SGCD: variants seen among roughly 807,000 people sequenced by gnomAD.
The protein encoded by SGCD is delta-sarcoglycan.
A neutral mutation model predicts 36.6 loss-of-function variants in SGCD; 18 were observed. The observed-to-expected ratio is 0.49, with a 90% CI of 0.34 to 0.73. The LOEUF is 0.73. Ranked by LOEUF, SGCD falls within the 30% of genes least tolerant of loss-of-function variation. SGCD has a pLI of 0.01. For synonymous variants in SGCD, 133 were observed against 130.6 expected (o/e 1.02, Z -0.12); for missense variants, 387 against 346.7 (o/e 1.12, Z -0.92).
At chr5:155,734,026 A>G in the SGCD span, among the ~76,000 whole-genome samples, 1 of 150,444 alleles carries the variant, frequency 6.6e-6, no homozygotes, top group Non-Finnish European at 1.5e-5. Context: ...CAATTTGGCC[A>G]GTTCACACAG....
intron 1 of SGCD, among the ~76,000 whole-genome samples, chr5:155,917,373 A>G (rs555750501): frequency 1.6e-4 from 25 of 152,288 alleles, no homozygotes; most frequent in African/African-American, 5.5e-4. Flanking sequence ...TGAGGACTGA[A>G]TGGATAGTTG....
chr5:156,213,880 C>T lies in SGCD; in HGVS notation c.-44+89861C>T, dbSNP rs546250314. ...AAGGACAAAATCACTATGATCATCT[C>T]GATAGATTTGACATAATTGAACATC... is the stretch of plus-strand genomic sequence containing the variant. On this transcript the variant is annotated intron_variant, in intron 3 of 9. Coordinates refer to the SGCD transcript ENST00000517913. Among the ~76,000 whole-genome samples, 5 of 151,950 alleles carry T rather than the reference C, an allele frequency of 3.3e-5. No homozygotes were observed. In the South Asian group the frequency reaches 1.0e-3, roughly 32 times the overall value.
At chr5:155,741,318 C>T in the SGCD span, among the ~76,000 whole-genome samples, 35 of 152,284 alleles carry the variant, frequency 2.3e-4, no homozygotes, top group Middle Eastern at 0.014. Context: ...TTAAATCTCT[C>T]CTGGATCAGG....
chr5:156,282,590 A>T (rs572736815), intron 3 of SGCD, among the ~76,000 whole-genome samples: 1 of 152,336 alleles, frequency 6.6e-6, no homozygotes, highest in East Asian at 1.9e-4. Flanking sequence ...GAATAAAGAA[A>T]CATGGCTCAA....
chr5:156,109,196 C>G (rs1018592963), intron 1 of SGCD, among the ~76,000 whole-genome samples: 1 of 152,140 alleles, frequency 6.6e-6, no homozygotes, highest in African/African-American at 2.4e-5. Context: ...TTCAGAGTTA[C>G]CCTGTAGTTG....
chr5:156,522,499 G>A (rs998730245), intron 4 of SGCD, among the ~76,000 whole-genome samples: 1 of 151,846 alleles, frequency 6.6e-6, no homozygotes, highest in Non-Finnish European at 1.5e-5. Context: ...ACCAAACGTC[G>A]CATGTTCTTA....
intron 1 of SGCD, among the ~76,000 whole-genome samples, chr5:156,094,274 TGC>T (rs1561717699): frequency 5.3e-4 from 81 of 152,296 alleles, no homozygotes; most frequent in African/African-American, 1.9e-3. Context: ...GAGCTGCAGC[TGC>T]AGGAACAGTC....
At chr5:156,366,779 C>T (rs1368813546) in intron 3 of SGCD, among the ~76,000 whole-genome samples, 2 of 152,124 alleles carry the variant, frequency 1.3e-5, no homozygotes, top group East Asian at 3.8e-4. Flanking sequence ...CAGATAAATC[C>T]TGGCAAAGCA....
At chr5:156,315,882 A>AT (rs1767505106) in intron 3 of SGCD, among the ~76,000 whole-genome samples, 1 of 151,966 alleles carries the variant, frequency 6.6e-6, no homozygotes, top group African/African-American at 2.4e-5. Flanking sequence ...ATCTTTGCCC[A>AT]TTTTTATTCA....
At chr5:156,141,079 G>T (rs575571389) in intron 3 of SGCD, among the ~76,000 whole-genome samples, 4 of 152,236 alleles carry the variant, frequency 2.6e-5, no homozygotes, top group South Asian at 2.1e-4. Context: ...ACTCCAGAAG[G>T]TATAAACCAA....
chr5:156,682,924 C>T (rs146089239), intron 7 of SGCD, among the ~76,000 whole-genome samples: 45 of 152,322 alleles, frequency 3.0e-4, no homozygotes, highest in Middle Eastern at 6.8e-3. Context: ...TTCCCATTCC[C>T]GTGCATCCTC....
chr5:155,962,896 T>C (rs1757820831), intron 1 of SGCD, among the ~76,000 whole-genome samples: 1 of 152,174 alleles, frequency 6.6e-6, no homozygotes, highest in African/African-American at 2.4e-5. Context: ...TAGCAATCTA[T>C]GCCCTCATTT....
At chr5:156,115,888 T>C (rs971488165) in intron 1 of SGCD, among the ~76,000 whole-genome samples, 1 of 152,130 alleles carries the variant, frequency 6.6e-6, no homozygotes, top group Non-Finnish European at 1.5e-5. Context: ...GGATAACAAC[T>C]TGATGTAATT....
In SGCD at chr5:156,643,258, C is replaced by A. The variant is rs549090078; in HGVS notation, c.503-4206C>A. Among the ~76,000 whole-genome samples, 3 of 152,090 alleles carry A rather than the reference C, an allele frequency of 2.0e-5. No individual in the cohort carries two copies. In the East Asian group the frequency reaches 5.9e-4, roughly 30 times the overall value. On this transcript the variant is annotated intron_variant, in intron 6 of 8. Coordinates refer to ENST00000337851, the MANE Select transcript of SGCD (RefSeq NM_000337.6). ...TGTTGGTCAGGCTGGTTTCGAACTC[C>A]TGACCTCAGGTGATCCGCCCACCTT...
At chr5:156,508,770 T>C (rs2127875807) in intron 4 of SGCD, 68 bp downstream of exon 4, 1 of 913,796 alleles carries the variant, frequency 1.1e-6, no homozygotes, top group Non-Finnish European at 1.7e-6. Flanking sequence ...GAATTGATCT[T>C]GCTATCAGCT....
chr5:156,234,220 G>A (rs1191912663), intron 3 of SGCD, among the ~76,000 whole-genome samples: 1 of 152,070 alleles, frequency 6.6e-6, no homozygotes, highest in Non-Finnish European at 1.5e-5. Context: ...CCTATTTTTA[G>A]TTGGGTTGTC....
intron 1 of SGCD, among the ~76,000 whole-genome samples, chr5:155,990,742 T>C (rs1283351794): frequency 6.6e-6 from 1 of 152,238 alleles, no homozygotes; most frequent in South Asian, 2.1e-4. Flanking sequence ...TGCATCACAT[T>C]ATTTAATTCT....
intron 3 of SGCD, among the ~76,000 whole-genome samples, chr5:156,171,983 A>G (rs1018458951): frequency 1.3e-5 from 2 of 152,024 alleles, no homozygotes; most frequent in African/African-American, 4.8e-5. Context: ...GAGGGAAATA[A>G]CTCATTCAAG....
intron 4 of SGCD, among the ~76,000 whole-genome samples, chr5:156,514,456 G>T (rs1247500724): frequency 2.0e-5 from 3 of 152,210 alleles, no homozygotes; most frequent in African/African-American, 7.2e-5. Context: ...TAGAAGTTCG[G>T]AAGAGGAGAG....
Sources: gnomAD v4.1 joint callset for allele counts (sites outside exome capture counted in the v4.1 genomes callset) on GRCh38, gnomAD v4.1.1 for gene constraint, MANE v1.5 for transcripts, NCBI Gene and HGNC (gene_info 2026-07-23, HGNC 2026-07-21) for gene names.